The following TP53AIP1 variants were observed in gnomAD, a reference collection of about 807,000 sequenced individuals.
TP53AIP1 encodes the protein tumor protein p53 regulated apoptosis inducing protein 1.
A neutral mutation model predicts 9.5 loss-of-function variants in TP53AIP1; 14 were observed. That is an observed-to-expected ratio of 1.47 (90% CI 0.97 to 2.30). TP53AIP1 has a LOEUF of 2.30. TP53AIP1 is among the 30% of genes most tolerant of loss of function. The pLI, the probability that TP53AIP1 is intolerant of heterozygous loss-of-function variation, is 0.00. For missense variants in TP53AIP1, 153 were observed against 146.7 expected, an observed-to-expected ratio of 1.04 and a Z score of -0.22; for synonymous variants, 73 against 61.2, an observed-to-expected ratio of 1.19 and a Z score of -0.90.
intron 3 of TP53AIP1, chr11:128,935,919 C>A (rs6590359): frequency 0.86 from 1,079,635 of 1,262,014 alleles, 463,271 homozygotes; most frequent in African/African-American, 0.92. Flanking sequence ...AATGGGCCAA[C>A]AAAAATGTAT....
At position 128,937,152 on chromosome 11, in the gene TP53AIP1, G is replaced by A. The variant is rs1317872014; in HGVS notation, c.142-503C>T. ...CCTGCATCCTTACCCCCTCCTCAGA[G>A]CCCACAAGCTTCCGAGTGCGTCATC... is the stretch of plus-strand genomic sequence containing the variant. On this transcript the variant is annotated intron_variant, in intron 2 of 3. Coordinates refer to ENST00000531399, the MANE Select transcript of TP53AIP1 (RefSeq NM_022112.3). This position sits in a 1 kb window ranked among gnomAD's most constrained non-coding sequence, Gnocchi z 4.8. The A allele has an allele frequency of 6.4e-6, 7 of 1,091,566 alleles. No individual in the cohort carries two copies. The South Asian group carries it at 1.4e-4, about 22-fold the overall frequency. 67.6% of individuals were successfully genotyped at this position (1,091,566 alleles called of 1,614,324 possible).
chr11:128,935,907 C>T (rs919312868), intron 3 of TP53AIP1, 195 bp from the exon 4 acceptor site: 1 of 1,306,758 alleles, frequency 7.7e-7, no homozygotes, highest in African/African-American at 1.5e-5. Flanking sequence ...TCATAGATAT[C>T]AAATGGGCCA....
chr11:128,941,875 C>T (rs573638507), intron 1 of TP53AIP1, among the ~76,000 whole-genome samples: 3 of 152,338 alleles, frequency 2.0e-5, no homozygotes, highest in South Asian at 2.1e-4. Flanking sequence ...GGCTGTGCTG[C>T]GGAAGCAGAT....
chr11:128,937,074 C>G lies in TP53AIP1; in HGVS notation c.142-425G>C, dbSNP rs1327305933. Reference sequence around the variant, plus strand: ...GGCAGACTCCTGGCCCAGGCCTGGCCTGTGTCTGCTTCCGGAGCCATGCGC... The same window carrying G: ...GGCAGACTCCTGGCCCAGGCCTGGCGTGTGTCTGCTTCCGGAGCCATGCGC... On this transcript the variant is annotated intron_variant, in intron 2 of 3. Coordinates refer to ENST00000531399, the MANE Select transcript of TP53AIP1 (RefSeq NM_022112.3). This position sits in a 1 kb window ranked among gnomAD's most constrained non-coding sequence, Gnocchi z 4.8. The G allele has an allele frequency of 7.6e-6, 8 of 1,045,986 alleles. No homozygotes were observed. The highest frequency in any genetic ancestry group is 9.2e-6 in the Non-Finnish European group (8 of 868,478). 64.8% of individuals were successfully genotyped at this position (1,045,986 alleles called of 1,614,324 possible).
At chr11:128,940,137 C>T (rs1478022376) in intron 1 of TP53AIP1, among the ~76,000 whole-genome samples, 1 of 152,196 alleles carries the variant, frequency 6.6e-6, no homozygotes, top group East Asian at 1.9e-4. Context: ...CCTCCCTGGT[C>T]TATTATCACA....
chr11:128,935,026 C>G (rs1165156407), downstream of TP53AIP1: 1 of 703,122 alleles, frequency 1.4e-6, no homozygotes, highest in East Asian at 2.7e-5. Flanking sequence ...GCACACAGGC[C>G]AGGCAAGCTC....
chr11:128,935,240 G>A, downstream of TP53AIP1: 1 of 1,395,276 alleles, frequency 7.2e-7, no homozygotes, highest in South Asian at 1.5e-5. Context: ...TACTGGGAGT[G>A]CCCTCGGGCG....
At chr11:128,938,107 G>A (rs971707789) in intron 1 of TP53AIP1, among the ~76,000 whole-genome samples, 24 of 152,310 alleles carry the variant, frequency 1.6e-4, no homozygotes, top group Admixed American at 7.8e-4. Context: ...TTTGGGGAAA[G>A]GGGGTGGGAT....
At chr11:128,936,719 C>T in intron 2 of TP53AIP1, 70 bp from the exon 3 acceptor site, 1 of 1,501,684 alleles carries the variant, frequency 6.7e-7, no homozygotes, top group Non-Finnish European at 8.8e-7. Flanking sequence ...TCTTCTCTGG[C>T]AGGTTTTCCC....
intron 1 of TP53AIP1, among the ~76,000 whole-genome samples, chr11:128,940,371 G>A (rs1017219803): frequency 5.3e-5 from 8 of 152,222 alleles, no homozygotes; most frequent in African/African-American, 9.6e-5. Flanking sequence ...TGGTTTGAAC[G>A]TGTTTCCCCC....
chr11:128,941,398 A>T (rs1228535304), intron 1 of TP53AIP1, among the ~76,000 whole-genome samples: 1 of 152,040 alleles, frequency 6.6e-6, no homozygotes, highest in African/African-American at 2.4e-5. Context: ...CTGGGCCCCC[A>T]CACATCTCAG....
At chr11:128,941,499 C>T (rs1383449804) in intron 1 of TP53AIP1, among the ~76,000 whole-genome samples, 3 of 152,226 alleles carry the variant, frequency 2.0e-5, no homozygotes, top group Non-Finnish European at 2.9e-5. Flanking sequence ...GCCCCCAACG[C>T]ACCTTTCATT....
In TP53AIP1 at chr11:128,937,551, A is replaced by C. The variant is rs1361161924; in HGVS notation, c.141+127T>G. 1 of 1,613,798 alleles carries C rather than the reference A, an allele frequency of 6.2e-7. No homozygotes were observed. The highest frequency in any genetic ancestry group is 1.1e-5 in the South Asian group (1 of 91,006). On this transcript the variant is annotated intron_variant, in intron 2 of 3. Transcript: ENST00000531399. The surrounding 1 kb of genome is among the most constrained non-coding windows in gnomAD (Gnocchi z 4.8). The stretch of plus-strand genomic sequence containing the variant: ...GGACAGTCCGCATGCAGCTCTGAGG[A>C]CCCAGATGCTGTCACTGGGTCCTGG...
In TP53AIP1 at chr11:128,935,376, TCCAGCTTTTATTTC is replaced by T; in HGVS notation, c.*201_*214del. On this transcript the variant is annotated 3_prime_UTR_variant, in exon 4 of 4. Transcript: ENST00000531399. ...AATGCAAACTTCACAAGAATTTTTT[TCCAGCTTTTATTTC>T]AGATTTGGGGATACAGAAGGATGCA... is the stretch of plus-strand genomic sequence containing the variant. 2.1e-6 allele frequency: 3 copies of T among 1,414,598 alleles called. No individual in the cohort carries two copies. 87.6% of individuals were successfully genotyped at this position (1,414,598 alleles called of 1,614,324 possible). A position where few individuals can be genotyped will look rare whatever the true frequency, so the allele number is the denominator to read the frequency against.
Position 128,937,292 on chromosome 11 carries a change from A to G in TP53AIP1, c.141+386T>C. The G allele has an allele frequency of 1.5e-6, 2 of 1,352,226 alleles. No homozygotes were observed. The highest frequency in any genetic ancestry group is 1.9e-6 in the Non-Finnish European group (2 of 1,055,632). The allele number at this position is 1,352,226 out of a possible 1,614,324, so 83.8% of individuals were successfully genotyped here. ...CAGAAGAGCAGGCCCGGAGCCCTGC[A>G]CCCCAGCCTTCCCTCCCCATGCGCT... On this transcript the variant is annotated intron_variant, in intron 2 of 3. Transcript: ENST00000531399. The surrounding 1 kb of genome is among the most constrained non-coding windows in gnomAD (Gnocchi z 4.8).
rs1408602497 is a variant in TP53AIP1 at position 128,937,320 on chromosome 11, A to G, written c.141+358T>C. On this transcript the variant is annotated intron_variant, in intron 2 of 3. Transcript: ENST00000531399. The surrounding 1 kb of genome is among the most constrained non-coding windows in gnomAD (Gnocchi z 4.8). ...CCAGCCTTCCCTCCCCATGCGCTCC[A>G]CATGCGTCCTTTGTTCAGCCTCTCC... The G allele has an allele frequency of 7.1e-7, 1 of 1,401,784 alleles. No individual in the cohort carries two copies. The highest frequency in any genetic ancestry group is 1.7e-5 in the South Asian group (1 of 59,042). 86.8% of individuals were successfully genotyped at this position (1,401,784 alleles called of 1,614,324 possible).
chr11:128,937,091 G>A lies in TP53AIP1; in HGVS notation c.142-442C>T. ...GGCCTGGCCTGTGTCTGCTTCCGGA[G>A]CCATGCGCTGCCTGTGCTGGGATGA... On this transcript the variant is annotated intron_variant, in intron 2 of 3. Coordinates refer to ENST00000531399, the MANE Select transcript of TP53AIP1 (RefSeq NM_022112.3). This position sits in a 1 kb window ranked among gnomAD's most constrained non-coding sequence, Gnocchi z 4.8. 1.9e-6 allele frequency: 2 copies of A among 1,044,926 alleles called. No homozygotes were observed. The highest frequency in any genetic ancestry group is 1.2e-6 in the Non-Finnish European group (1 of 867,924). The allele number at this position is 1,044,926 out of a possible 1,614,324, so 64.7% of individuals were successfully genotyped here. A position where few individuals can be genotyped will look rare whatever the true frequency, so the allele number is the denominator to read the frequency against.
chr11:128,935,860 T>C, intron 3 of TP53AIP1, 148 bp from the exon 4 acceptor site: 1 of 1,353,012 alleles, frequency 7.4e-7, no homozygotes, highest in Non-Finnish European at 9.5e-7. Context: ...CACATCATTA[T>C]TCTATCTCCC....
chr11:128,941,266 T>C (rs747357858), intron 1 of TP53AIP1, among the ~76,000 whole-genome samples: 19 of 152,100 alleles, frequency 1.2e-4, no homozygotes, highest in Non-Finnish European at 2.2e-4. Flanking sequence ...AGCGATTCTC[T>C]CCACCTGCGA....
Sources: gnomAD v4.1 joint callset for allele counts (sites outside exome capture counted in the v4.1 genomes callset) on GRCh38, gnomAD v4.1.1 for gene constraint, Gnocchi (gnomAD v3.1) non-coding constraint, MANE v1.5 for transcripts, NCBI Gene and HGNC (gene_info 2026-07-23, HGNC 2026-07-21) for gene names.